The following CAMKMT variants were observed in gnomAD, a reference collection of about 807,000 sequenced individuals.
CAMKMT encodes CaM KMT.
Under a neutral mutation model 48.0 loss-of-function variants are expected in CAMKMT, and 53 were observed. The observed-to-expected ratio is 1.10, with a 90% CI of 0.89 to 1.39. The LOEUF is 1.39. CAMKMT is among the 40% of genes most tolerant of loss of function. The pLI, the probability that CAMKMT is intolerant of heterozygous loss-of-function variation, is 0.00. For synonymous variants in CAMKMT, 165 were observed against 152.3 expected (o/e 1.08, Z -0.61); for missense variants, 428 against 402.7 (o/e 1.06, Z -0.54).
chr2:44,463,725 C>T (rs952387823), intron 3 of CAMKMT, among the ~76,000 whole-genome samples: 19 of 151,994 alleles, frequency 1.3e-4, no homozygotes, highest in African/African-American at 3.9e-4. Flanking sequence ...AACTATAAAC[C>T]GAAAAAGAAA....
chr2:44,526,758 G>T (rs1666131981), intron 3 of CAMKMT, among the ~76,000 whole-genome samples: 1 of 151,980 alleles, frequency 6.6e-6, no homozygotes, highest in Non-Finnish European at 1.5e-5. Flanking sequence ...TTTTCTGGAG[G>T]GTTCCCAGGC....
intron 10 of CAMKMT, among the ~76,000 whole-genome samples, chr2:44,767,942 G>A (rs1680915160): frequency 6.6e-6 from 1 of 152,170 alleles, no homozygotes; most frequent in Admixed American, 6.5e-5. Context: ...CAGCTCAGGA[G>A]AGCAAAGGCT....
chr2:44,492,754 C>T (rs786420), intron 3 of CAMKMT, among the ~76,000 whole-genome samples: 111,432 of 151,966 alleles, frequency 0.73, 41,426 homozygotes, highest in South Asian at 0.8. Context: ...CAAAATAGGA[C>T]ACAGTTCTTT....
intron 7 of CAMKMT, among the ~76,000 whole-genome samples, chr2:44,720,525 G>T (rs866099727): frequency 6.6e-6 from 1 of 152,036 alleles, no homozygotes; most frequent in Non-Finnish European, 1.5e-5. Context: ...TAAAAATAGA[G>T]CCATCTTAAA....
intron 3 of CAMKMT, among the ~76,000 whole-genome samples, chr2:44,565,590 T>C (rs1056464698): frequency 1.3e-5 from 2 of 152,012 alleles, no homozygotes; most frequent in South Asian, 4.1e-4. Flanking sequence ...TGGCTACACA[T>C]TGGAAGCACA....
intron 2 of CAMKMT, among the ~76,000 whole-genome samples, chr2:44,380,432 G>T (rs1380655656): frequency 2.6e-5 from 4 of 152,106 alleles, no homozygotes; most frequent in East Asian, 3.8e-4. Flanking sequence ...AGTTTGAGCA[G>T]TTTCTTTTGT....
intron 4 of CAMKMT, chr2:44,705,492 G>A (rs1041165058): frequency 6.1e-6 from 6 of 985,262 alleles, no homozygotes; most frequent in Non-Finnish European, 7.2e-6. Flanking sequence ...GGGCCAGGGC[G>A]AGAATGTCAC....
intron 3 of CAMKMT, among the ~76,000 whole-genome samples, chr2:44,659,160 A>T (rs1461005590): frequency 6.7e-6 from 1 of 148,364 alleles, no homozygotes; most frequent in African/African-American, 2.5e-5. Flanking sequence ...AGTGGCTCAC[A>T]CCTGTAACCC....
intron 3 of CAMKMT, among the ~76,000 whole-genome samples, chr2:44,435,001 G>A (rs1002549027): frequency 5.9e-5 from 9 of 152,040 alleles, no homozygotes; most frequent in East Asian, 1.9e-4. Context: ...TCTGGGGCAC[G>A]TATGTTTTCA....
chr2:44,457,838 G>C (rs1395861344), intron 3 of CAMKMT, among the ~76,000 whole-genome samples: 1 of 152,126 alleles, frequency 6.6e-6, no homozygotes, highest in Non-Finnish European at 1.5e-5. Flanking sequence ...AATTCCAGAT[G>C]TTACAAAGTT....
At chr2:44,488,959 G>T (rs138299481) in intron 3 of CAMKMT, among the ~76,000 whole-genome samples, 1 of 151,798 alleles carries the variant, frequency 6.6e-6, no homozygotes, top group African/African-American at 2.4e-5. Context: ...TTGAACTCGT[G>T]GGCTCAAGGG....
intron 3 of CAMKMT, among the ~76,000 whole-genome samples, chr2:44,526,942 G>A (rs1217638392): frequency 1.3e-5 from 2 of 151,808 alleles, no homozygotes; most frequent in Non-Finnish European, 2.9e-5. Flanking sequence ...GTGGTTTTTA[G>A]TATGTTCCTA....
chr2:44,724,539 G>A (rs989498035), intron 7 of CAMKMT, among the ~76,000 whole-genome samples: 1 of 152,166 alleles, frequency 6.6e-6, no homozygotes, highest in African/African-American at 2.4e-5. Flanking sequence ...CACAGAGCAT[G>A]CTTCGAGAAG....
chr2:44,586,139 C>A (rs1194302286), intron 3 of CAMKMT, among the ~76,000 whole-genome samples: 1 of 152,204 alleles, frequency 6.6e-6, no homozygotes, highest in Admixed American at 6.5e-5. Context: ...ACAGAATAGG[C>A]AGCCTTCTGC....
At chr2:44,442,419 G>C (rs1406071427) in intron 3 of CAMKMT, among the ~76,000 whole-genome samples, 1 of 151,976 alleles carries the variant, frequency 6.6e-6, no homozygotes, top group Non-Finnish European at 1.5e-5. Flanking sequence ...ATTTTGCTTT[G>C]TTAGTCTAAT....
intron 3 of CAMKMT, among the ~76,000 whole-genome samples, chr2:44,471,427 G>A (rs988160460): frequency 1.3e-5 from 2 of 151,984 alleles, no homozygotes; most frequent in Admixed American, 1.3e-4. Flanking sequence ...GCAAAACCCC[G>A]TCTCTAAAAA....
chr2:44,469,921 C>T, intron 3 of CAMKMT, among the ~76,000 whole-genome samples: 1 of 150,952 alleles, frequency 6.6e-6, no homozygotes, highest in East Asian at 1.9e-4. Flanking sequence ...CACCTTATTT[C>T]TGGGTTTTCT....
chr2:44,770,000 CA>C (rs1193289458), intron 10 of CAMKMT, among the ~76,000 whole-genome samples: 17 of 152,338 alleles, frequency 1.1e-4, no homozygotes, highest in Non-Finnish European at 1.8e-4. Context: ...GTTTAGTCCT[CA>C]AAGACCCTGT....
chr2:44,759,277 C>A lies in CAMKMT; in HGVS notation c.762+5159C>A, dbSNP rs188545332. Among the ~76,000 whole-genome samples the A allele has an allele frequency of 3.7e-3, 560 of 152,250 alleles. 5 individuals are homozygous for A. The highest frequency in any genetic ancestry group is 0.016 in the South Asian group (78 of 4,816). ...TAGCTAGGACTACAGGCATGCACCA[C>A]CATGCCTGGCTAATTTTTGTATTTT... On this transcript the variant is annotated intron_variant, in intron 9 of 10. Coordinates refer to ENST00000378494, the MANE Select transcript of CAMKMT (RefSeq NM_024766.5).
Sources: allele counts gnomAD v4.1 joint callset (sites outside exome capture counted in the v4.1 genomes callset), GRCh38; gene constraint gnomAD v4.1.1; transcripts MANE v1.5; gene names NCBI Gene and HGNC (gene_info 2026-07-23, HGNC 2026-07-21).